ZNF804B: variants seen among roughly 807,000 people sequenced by gnomAD.
The protein encoded by ZNF804B is zinc finger protein 804B.
In ZNF804B, 80 loss-of-function variants were observed where a neutral mutation model predicts 101.4. That is an observed-to-expected ratio of 0.79 (90% confidence interval 0.66 to 0.95). The LOEUF is 0.95. ZNF804B is among the 40% of genes least tolerant of loss of function. The probability of loss-of-function intolerance (pLI) is 0.00; values close to 1 mark genes in which losing one functional copy is unlikely to be tolerated. For synonymous variants in ZNF804B, 622 were observed against 558.8 expected (o/e 1.11, Z -1.59); for missense variants, 1,673 against 1,561.9 (o/e 1.07, Z -1.20).
chr7:89,137,520 G>A (rs1790655438), intron 1 of ZNF804B, among the ~76,000 whole-genome samples: 1 of 152,080 alleles, frequency 6.6e-6, no homozygotes, highest in East Asian at 1.9e-4. Flanking sequence ...CTGCCCTAGA[G>A]ATCTGTGGAA....
At chr7:89,225,009 C>T (rs1178879468) in intron 2 of ZNF804B, among the ~76,000 whole-genome samples, 2 of 152,070 alleles carry the variant, frequency 1.3e-5, no homozygotes, top group African/African-American at 4.8e-5. Flanking sequence ...TACCTTATGA[C>T]ACTGGCTATA....
At chr7:88,951,176 A>G (rs553793239) in intron 1 of ZNF804B, among the ~76,000 whole-genome samples, 13 of 152,006 alleles carry the variant, frequency 8.6e-5, no homozygotes, top group East Asian at 2.0e-4. Flanking sequence ...AGGACCATAC[A>G]TCGGAAGGAT....
chr7:88,929,855 T>C (rs1792857313), intron 1 of ZNF804B, among the ~76,000 whole-genome samples: 1 of 151,992 alleles, frequency 6.6e-6, no homozygotes, highest in South Asian at 2.1e-4. Context: ...AACTCATTTG[T>C]AAATATCATA....
intron 1 of ZNF804B, among the ~76,000 whole-genome samples, chr7:88,908,378 T>C (rs1305797493): frequency 1.3e-5 from 2 of 151,706 alleles, no homozygotes; most frequent in Non-Finnish European, 1.5e-5. Flanking sequence ...TGAACACCTG[T>C]ACATATAATT....
At chr7:88,814,161 A>G (rs1478615983) in intron 1 of ZNF804B, among the ~76,000 whole-genome samples, 1 of 152,170 alleles carries the variant, frequency 6.6e-6, no homozygotes, top group African/African-American at 2.4e-5. Flanking sequence ...TCTGGAAAAC[A>G]TTTTGTCAAG....
At chr7:89,046,889 A>C (rs551396593) in intron 1 of ZNF804B, among the ~76,000 whole-genome samples, 16 of 152,194 alleles carry the variant, frequency 1.1e-4, no homozygotes, top group African/African-American at 3.6e-4. Context: ...AGTTATTATG[A>C]TCAATTATTA....
chr7:89,077,226 A>G (rs1012074231), intron 1 of ZNF804B, among the ~76,000 whole-genome samples: 1 of 152,212 alleles, frequency 6.6e-6, no homozygotes, highest in African/African-American at 2.4e-5. Context: ...GGAGAAATTC[A>G]GAAGTGGAGG....
chr7:89,131,048 G>A (rs1028856193), intron 1 of ZNF804B, among the ~76,000 whole-genome samples: 21 of 151,944 alleles, frequency 1.4e-4, no homozygotes, highest in African/African-American at 4.8e-4. Flanking sequence ...TATAGAAGCA[G>A]GGGAGCACAT....
At chr7:89,285,546 A>AGAAGAAGAAGAAGAAG (rs1554389596) in intron 2 of ZNF804B, among the ~76,000 whole-genome samples, 2 of 93,450 alleles carry the variant, frequency 2.1e-5, no homozygotes, top group African/African-American at 1.0e-4. Context: ...AAAAAAAAAA[A>AGAAGAAGAAGAAGAAG]AAGAAGAAGA....
rs774817274 is a variant in ZNF804B at position 89,333,692 on chromosome 7, T to A, written c.710T>A (p.Val237Asp). The A allele has an allele frequency of 1.2e-6, 2 of 1,613,542 alleles. No homozygotes were observed. The highest frequency in any genetic ancestry group is 1.7e-6 in the Non-Finnish European group (2 of 1,179,724). ...CTAAAATTAGAATCTTCAGCATCAGTTTTCAGTGAGAACACAGAAGAAACC... is the reference window on the plus strand; with the variant it reads ...CTAAAATTAGAATCTTCAGCATCAGATTTCAGTGAGAACACAGAAGAAACC... ...VHLKLESSAS[V>D]FSENTEETHD... The change falls in exon 4 of 4, where the codon GTT (valine) becomes GAT (aspartate). Residue 237 changes from valine to aspartate, a missense_variant. Val to Asp is a radical substitution (Grantham distance 152). Coordinates refer to ENST00000333190, the MANE Select transcript of ZNF804B (RefSeq NM_181646.5).
At chr7:88,972,718 C>T (rs1379513297) in intron 1 of ZNF804B, among the ~76,000 whole-genome samples, 1 of 151,020 alleles carries the variant, frequency 6.6e-6, no homozygotes, top group Non-Finnish European at 1.5e-5. Context: ...GTGATAATCT[C>T]TACACTATTT....
At chr7:89,268,541 A>T (rs1342219228) in intron 2 of ZNF804B, among the ~76,000 whole-genome samples, 1 of 151,726 alleles carries the variant, frequency 6.6e-6, no homozygotes, top group African/African-American at 2.4e-5. Context: ...TATTCCAGGC[A>T]GCAAGGCACA....
At chr7:89,267,488 T>C (rs1584092955) in intron 2 of ZNF804B, among the ~76,000 whole-genome samples, 1 of 152,182 alleles carries the variant, frequency 6.6e-6, no homozygotes, top group Non-Finnish European at 1.5e-5. Flanking sequence ...TTTTCTTTCA[T>C]CTCTTCACTC....
chr7:89,181,390 C>T (rs979808226), intron 1 of ZNF804B, among the ~76,000 whole-genome samples: 6 of 152,198 alleles, frequency 3.9e-5, no homozygotes, highest in African/African-American at 1.4e-4. Flanking sequence ...TGGACAATTC[C>T]TCTCTGGCTA....
chr7:88,951,266 A>C (rs1793213685), intron 1 of ZNF804B, among the ~76,000 whole-genome samples: 1 of 151,874 alleles, frequency 6.6e-6, no homozygotes, highest in Admixed American at 6.6e-5. Context: ...AAACATTTCC[A>C]AATAAAAAAT....
intron 1 of ZNF804B, among the ~76,000 whole-genome samples, chr7:88,968,137 C>T (rs931712587): frequency 8.5e-5 from 7 of 82,364 alleles, no homozygotes; most frequent in African/African-American, 2.6e-4. Context: ...CAAAGTTAAC[C>T]GAATTTTTCA....
At chr7:89,128,790 C>A (rs1002488355) in intron 1 of ZNF804B, among the ~76,000 whole-genome samples, 1 of 151,984 alleles carries the variant, frequency 6.6e-6, no homozygotes, top group South Asian at 2.1e-4. Flanking sequence ...AAATCAAATA[C>A]TCTTTTTATT....
intron 2 of ZNF804B, among the ~76,000 whole-genome samples, chr7:89,283,981 A>C (rs773293744): frequency 1.3e-5 from 2 of 152,214 alleles, no homozygotes; most frequent in Non-Finnish European, 2.9e-5. Context: ...ACAAGGAGAT[A>C]CTTGTCTATT....
intron 1 of ZNF804B, among the ~76,000 whole-genome samples, chr7:89,076,982 C>T (rs1789623697): frequency 6.6e-6 from 1 of 152,140 alleles, no homozygotes; most frequent in African/African-American, 2.4e-5. Flanking sequence ...GAGAATGGCG[C>T]TGTCTAATGG....
Sources: allele counts gnomAD v4.1 joint callset (sites outside exome capture counted in the v4.1 genomes callset), GRCh38; gene constraint gnomAD v4.1.1; transcripts MANE v1.5; gene names NCBI Gene and HGNC (gene_info 2026-07-23, HGNC 2026-07-21).